Variants in SETBP1 observed in about 807,000 individuals in gnomAD.
SETBP1 encodes SET binding protein 1, also known as SET-binding protein.
A neutral mutation model predicts 101.0 loss-of-function variants in SETBP1; 9 were observed. The observed-to-expected ratio is 0.09, with a 90% CI of 0.05 to 0.16. The LOEUF (loss-of-function observed/expected upper bound fraction) is 0.16. Ranked by LOEUF, SETBP1 falls within the 10% of genes least tolerant of loss-of-function variation. The probability of loss-of-function intolerance (pLI) is 1.00; values close to 1 mark genes in which losing one functional copy is unlikely to be tolerated. For missense variants in SETBP1, 1,858 were observed against 2,033.8 expected, an observed-to-expected ratio of 0.91 and a Z score of 1.66; for synonymous variants, 818 against 788.5, an observed-to-expected ratio of 1.04 and a Z score of -0.63.
intron 4 of SETBP1, among the ~76,000 whole-genome samples, chr18:44,995,008 A>G (rs1007012541): frequency 6.6e-6 from 1 of 152,136 alleles, no homozygotes; most frequent in East Asian, 1.9e-4. Context: ...AGAAAAAGGT[A>G]CTTTTCTTAA....
intron 4 of SETBP1, among the ~76,000 whole-genome samples, chr18:45,005,210 T>C (rs1223425450): frequency 6.6e-6 from 1 of 151,850 alleles, no homozygotes; most frequent in Non-Finnish European, 1.5e-5. Flanking sequence ...AAAACAAGAG[T>C]CTTGATGGTT....
intron 2 of SETBP1, among the ~76,000 whole-genome samples, chr18:44,774,209 A>G (rs1445245381): frequency 2.6e-5 from 4 of 152,210 alleles, no homozygotes; most frequent in African/African-American, 9.6e-5. Context: ...CTTTTGATGT[A>G]CGCATGGATC....
intron 2 of SETBP1, among the ~76,000 whole-genome samples, chr18:44,736,741 C>A (rs145088553): frequency 6.6e-6 from 1 of 152,276 alleles, no homozygotes; most frequent in East Asian, 1.9e-4. Flanking sequence ...CTCTCATAAC[C>A]CACAGTGCAC....
intron 2 of SETBP1, among the ~76,000 whole-genome samples, chr18:44,864,283 G>A (rs1262837482): frequency 1.3e-5 from 2 of 152,112 alleles, no homozygotes; most frequent in Non-Finnish European, 2.9e-5. Flanking sequence ...GACGCAAAGA[G>A]AGAATCCCAT....
chr18:44,692,632 G>A (rs2144139548), intron 1 of SETBP1, among the ~76,000 whole-genome samples: 1 of 152,262 alleles, frequency 6.6e-6, no homozygotes, highest in East Asian at 1.9e-4. Context: ...TGCTTTGTGA[G>A]AGCAGAATGA....
intron 2 of SETBP1, among the ~76,000 whole-genome samples, chr18:44,855,344 T>TA (rs1295463121): frequency 6.6e-6 from 1 of 152,156 alleles, no homozygotes; most frequent in African/African-American, 2.4e-5. Flanking sequence ...CCCTACATCC[T>TA]AAAAAAATAA....
chr18:44,682,185 T>A (rs956845302), intron 1 of SETBP1, among the ~76,000 whole-genome samples: 10 of 152,238 alleles, frequency 6.6e-5, no homozygotes, highest in Admixed American at 6.5e-5. Flanking sequence ...TACCCTCCTT[T>A]AGTAAATAGG....
chr18:44,901,560 T>C (rs1381889770), intron 3 of SETBP1, among the ~76,000 whole-genome samples: 2 of 152,046 alleles, frequency 1.3e-5, no homozygotes, highest in African/African-American at 2.4e-5. Context: ...TGATGGGAGG[T>C]AGGGAAGGTG....
At chr18:45,020,938 T>C (rs1314241921) in intron 4 of SETBP1, among the ~76,000 whole-genome samples, 1 of 152,246 alleles carries the variant, frequency 6.6e-6, no homozygotes, top group Non-Finnish European at 1.5e-5. Context: ...TACTCTTCTT[T>C]CTATAGCGGT....
In SETBP1 at chr18:44,950,187, G is replaced by C; in HGVS notation, c.847G>C (p.Asp283His). The C allele has an allele frequency of 1.2e-6, 2 of 1,613,878 alleles. No individual in the cohort carries two copies. Among genetic ancestry groups the C allele is most frequent in the Non-Finnish European group, 1.7e-6 (2 of 1,180,046 alleles). ...GAGTCAGTTGTCTAACAATAACAAA[G>C]ATCTGCTCTTGGGAGGTGTGGCTCC... ...TWSQLSNNNK[D>H]LLLGGVAPSP... is the part of the protein sequence containing the mutation. Residue 283 changes from aspartate (D) to histidine (H), a missense_variant, in exon 4 of 6, where the codon GAT becomes CAT. Asp to His is a moderately conservative substitution (Grantham distance 81, BLOSUM62 -1). This residue lies in a region of SETBP1 where 581 missense variants were observed against 535.1 expected (regional missense o/e 1.09). Coordinates refer to ENST00000649279, the MANE Select transcript of SETBP1 (RefSeq NM_015559.3).
At chr18:44,838,039 G>T (rs1444677779) in intron 2 of SETBP1, among the ~76,000 whole-genome samples, 1 of 152,088 alleles carries the variant, frequency 6.6e-6, no homozygotes, top group African/African-American at 2.4e-5. Context: ...CCCATGCTTG[G>T]TGGAGTCTCC....
intron 4 of SETBP1, among the ~76,000 whole-genome samples, chr18:44,976,459 G>C (rs1192940410): frequency 2.6e-5 from 4 of 152,200 alleles, no homozygotes; most frequent in Non-Finnish European, 5.9e-5. Flanking sequence ...AAGGCAGGCT[G>C]CTGGGAAGTA....
intron 2 of SETBP1, among the ~76,000 whole-genome samples, chr18:44,723,078 G>A (rs1477678544): frequency 1.3e-5 from 2 of 152,114 alleles, no homozygotes; most frequent in East Asian, 3.9e-4. Flanking sequence ...TGAGCAGTAG[G>A]ATATAAATAA....
At chr18:45,062,077 C>T (rs2073899062) in intron 5 of SETBP1, among the ~76,000 whole-genome samples, 1 of 152,138 alleles carries the variant, frequency 6.6e-6, no homozygotes, top group Admixed American at 6.5e-5. Context: ...CTGCTCATGA[C>T]CAACACAAGG....
At chr18:44,848,454 G>A (rs1252624447) in intron 2 of SETBP1, among the ~76,000 whole-genome samples, 1 of 152,158 alleles carries the variant, frequency 6.6e-6, no homozygotes, top group Admixed American at 6.5e-5. Flanking sequence ...AATACACATG[G>A]CTAAGCCATG....
chr18:44,813,710 A>T lies in SETBP1; in HGVS notation c.487-55520A>T, dbSNP rs575027302. Among the ~76,000 whole-genome samples the T allele has an allele frequency of 3.9e-5, 6 of 152,352 alleles. 1 individual carries two copies. Among genetic ancestry groups the T allele is most frequent in the African/African-American group, 1.4e-4 (6 of 41,580 alleles). ...TGGATCCAGCTTGTATTCAGGAATT[A>T]ATTTATGCAAGAAACACATAGTAAT... On this transcript the variant is annotated intron_variant, in intron 2 of 5. Coordinates refer to ENST00000649279, the MANE Select transcript of SETBP1 (RefSeq NM_015559.3).
intron 4 of SETBP1, among the ~76,000 whole-genome samples, chr18:45,016,824 C>T (rs11874246): frequency 0.27 from 39,867 of 145,852 alleles, 5,904 homozygotes; most frequent in East Asian, 0.51. Context: ...TCCTATTCCC[C>T]GGAGGGCCAG....
chr18:44,755,164 A>C (rs1482155168), intron 2 of SETBP1, among the ~76,000 whole-genome samples: 1 of 152,218 alleles, frequency 6.6e-6, no homozygotes, highest in African/African-American at 2.4e-5. Context: ...TTCCAAAATG[A>C]AATGTTGTTA....
chr18:44,758,945 A>G (rs1169615223), intron 2 of SETBP1, among the ~76,000 whole-genome samples: 5 of 152,216 alleles, frequency 3.3e-5, no homozygotes, highest in Admixed American at 3.3e-4. Context: ...TGCAGGGACC[A>G]CCACAGATGC....
Sources: allele counts gnomAD v4.1 joint callset (sites outside exome capture counted in the v4.1 genomes callset), GRCh38; gene constraint gnomAD v4.1.1; regional missense constraint gnomAD v4.1.1; transcripts MANE v1.5; gene names NCBI Gene and HGNC (gene_info 2026-07-23, HGNC 2026-07-21).